Variants in MAG observed in about 807,000 individuals in gnomAD.
The protein encoded by MAG is myelin-associated glycoprotein.
In MAG, 30 loss-of-function variants were observed where a neutral mutation model predicts 60.7. The ratio of observed to expected loss-of-function variants is 0.49; its 90% CI spans 0.37 to 0.67. The LOEUF (loss-of-function observed/expected upper bound fraction) is 0.67. MAG is among the 30% of genes least tolerant of loss of function. The pLI is 0.00. For synonymous variants in MAG, 384 were observed against 376.8 expected, an observed-to-expected ratio of 1.02 and a Z score of -0.22; for missense variants, 795 against 851.7, an observed-to-expected ratio of 0.93 and a Z score of 0.83.
Position 35,300,550 on chromosome 19 carries a change from T to C in MAG, c.970+146T>C, listed in dbSNP as rs1036443677. 3 of 1,014,630 alleles carry C rather than the reference T, an allele frequency of 3.0e-6. No homozygotes were observed. In the Admixed American group the frequency reaches 9.3e-5, roughly 32 times the overall value. The allele number at this position is 1,014,630 out of a possible 1,614,324, so 62.9% of individuals were successfully genotyped here. On this transcript the variant is annotated intron_variant, in intron 6 of 10. Coordinates refer to ENST00000392213, the MANE Select transcript of MAG (RefSeq NM_002361.4). Reference sequence around the variant, plus strand: ...CCAAGGTAGACAGGGGGGTTGCAAGTCAAGGTGTACCTTCATTCTTTCCAC... The same window carrying C: ...CCAAGGTAGACAGGGGGGTTGCAAGCCAAGGTGTACCTTCATTCTTTCCAC...
chr19:35,301,786 G>A (rs896989865), intron 6 of MAG, among the ~76,000 whole-genome samples: 4 of 151,766 alleles, frequency 2.6e-5, no homozygotes, highest in South Asian at 2.1e-4. Flanking sequence ...GGCTGCTCTC[G>A]ATCTCCTGAC....
intron 1 of MAG, among the ~76,000 whole-genome samples, chr19:35,292,632 G>A (rs2066365108): frequency 6.7e-6 from 1 of 148,802 alleles, no homozygotes; most frequent in South Asian, 2.2e-4. Flanking sequence ...TCTAGCACCT[G>A]GGCACATAGC....
intron 9 of MAG, among the ~76,000 whole-genome samples, chr19:35,311,036 A>G (rs1284730696): frequency 1.3e-5 from 2 of 152,290 alleles, no homozygotes; most frequent in Admixed American, 6.5e-5. Flanking sequence ...CTGGGGCAAA[A>G]AAAAAATAGG....
intron 7 of MAG, 141 bp from the exon 8 acceptor site, chr19:35,309,733 A>T: frequency 1.1e-6 from 1 of 871,174 alleles, no homozygotes; most frequent in Non-Finnish European, 1.8e-6. Context: ...CAGAGAAAAA[A>T]GGAGGGGAAA....
chr19:35,312,556 A>C, intron 10 of MAG: 2 of 446,544 alleles, frequency 4.5e-6, no homozygotes, highest in East Asian at 4.4e-5. Context: ...AGGGGTGGGA[A>C]GCGTGGGGGG....
At chr19:35,299,277 G>A (rs920308678) in intron 4 of MAG, among the ~76,000 whole-genome samples, 2 of 152,218 alleles carry the variant, frequency 1.3e-5, no homozygotes, top group African/African-American at 4.8e-5. Flanking sequence ...TCGCTTTGCG[G>A]GAGGGACTGG....
At position 35,313,470 on chromosome 19, in the gene MAG, C is replaced by T. The variant is rs2066544227; in HGVS notation, c.*16C>T. ...GGTCAAGTGAAGGAGCTGGGGGCAGCCTGCGTGGCTGACCCCCCTCAGGAC... is the reference window on the plus strand; with the variant it reads ...GGTCAAGTGAAGGAGCTGGGGGCAGTCTGCGTGGCTGACCCCCCTCAGGAC... On this transcript the variant is annotated 3_prime_UTR_variant, in exon 11 of 11. Coordinates refer to ENST00000392213, the MANE Select transcript of MAG (RefSeq NM_002361.4). 2 of 1,601,690 alleles carry T rather than the reference C, an allele frequency of 1.2e-6. No homozygotes were observed. The highest frequency in any genetic ancestry group is 1.1e-5 in the South Asian group (1 of 90,074).
chr19:35,299,757 A>G lies in MAG; in HGVS notation c.619A>G (p.Thr207Ala), dbSNP rs1014401588. 2 of 1,554,384 alleles carry G rather than the reference A, an allele frequency of 1.3e-6. No individual in the cohort carries two copies. Among genetic ancestry groups the G allele is most frequent in the Non-Finnish European group, 8.7e-7 (1 of 1,152,864 alleles). The change falls in exon 5 of 11, where the codon ACG becomes GCG. Residue 207 changes from threonine to alanine, a missense_variant. Physicochemically the swap from Thr to Ala is moderately conservative, Grantham distance 58. Coordinates refer to ENST00000392213, the MANE Select transcript of MAG (RefSeq NM_002361.4). ...VQVSLLHFVP[T>A]REANGHRLGC... ...GGTGTCACTGCTGCACTTCGTGCCCACGAGGGAGGCCAACGGCCACAGGCT... is the reference window on the plus strand; with the variant it reads ...GGTGTCACTGCTGCACTTCGTGCCCGCGAGGGAGGCCAACGGCCACAGGCT...
Position 35,311,909 on chromosome 19 carries a change from G to A in MAG, c.1617-9G>A. 1.9e-6 allele frequency: 3 copies of A among 1,605,506 alleles called. No individual in the cohort carries two copies. The highest frequency in any genetic ancestry group is 2.2e-5 in the East Asian group (1 of 44,560). On this transcript the variant is annotated splice_polypyrimidine_tract_variant and intron_variant, in intron 9 of 10. Transcript: ENST00000392213. ...GGCAGAGAGAGGTCTGACGAGTCCTGCCCTGCAGAAAGAACGTGACAGAGA... is the reference window on the plus strand; with the variant it reads ...GGCAGAGAGAGGTCTGACGAGTCCTACCCTGCAGAAAGAACGTGACAGAGA...
At chr19:35,310,689 G>C in intron 9 of MAG, 46 bp downstream of exon 9, 1 of 1,575,376 alleles carries the variant, frequency 6.3e-7, no homozygotes, top group Non-Finnish European at 8.7e-7. Context: ...TCTCCAAAAA[G>C]GGGACCTGGT....
rs556522777 is a variant in MAG at position 35,308,353 on chromosome 19, T to A, written c.1232-1521T>A. On this transcript the variant is annotated intron_variant, in intron 7 of 10. Transcript: ENST00000392213. Reference sequence around the variant, plus strand: ...ATTTTCAGACACAGCAAGGAACCGGTGTGGCTGGAAAGGACTAAGCCAGGG... The same window carrying A: ...ATTTTCAGACACAGCAAGGAACCGGAGTGGCTGGAAAGGACTAAGCCAGGG... 7.0e-4 allele frequency among the ~76,000 whole-genome samples: 107 copies of A among 152,320 alleles called. 1 individual carries two copies. The highest frequency in any genetic ancestry group is 1.7e-3 in the South Asian group (8 of 4,826).
At chr19:35,294,081 T>A (rs964334237) in intron 1 of MAG, among the ~76,000 whole-genome samples, 154 bp from the exon 2 acceptor site, 5 of 147,946 alleles carry the variant, frequency 3.4e-5, no homozygotes, top group Admixed American at 2.1e-4. Flanking sequence ...AGAGAGTGGC[T>A]TCGAGGCTGT....
intron 7 of MAG, 132 bp from the exon 8 acceptor site, chr19:35,309,742 A>G: frequency 1.1e-6 from 1 of 919,058 alleles, no homozygotes; most frequent in East Asian, 2.4e-5. Context: ...AAGGAGGGGA[A>G]ATTGGAGGGC....
chr19:35,293,052 T>C lies in MAG; in HGVS notation c.-80+848T>C, dbSNP rs1448186923. Reference sequence around the variant, plus strand: ...TTTGGCCCCCATCCCGAGAACTTGTTTTCCCCGCTGTTAAGAGTGCATGGT... The same window carrying C: ...TTTGGCCCCCATCCCGAGAACTTGTCTTCCCCGCTGTTAAGAGTGCATGGT... On this transcript the variant is annotated intron_variant, in intron 1 of 10. Transcript: ENST00000392213. This position sits in a 1 kb window ranked among gnomAD's most constrained non-coding sequence, Gnocchi z 4.0. 6.6e-6 allele frequency among the ~76,000 whole-genome samples: 1 copy of C among 152,148 alleles called. No individual in the cohort carries two copies. Among genetic ancestry groups the C allele is most frequent in the Non-Finnish European group, 1.5e-5 (1 of 68,028 alleles).
chr19:35,293,208 TCTATAGC>T lies in MAG; in HGVS notation c.-80+1006_-80+1012del, dbSNP rs2066370553. ...ATCGGCGCGTGTCTGAGTGGACGCG[TCTATAGC>T]CATCCTCAGTGTGTGTGTGCAGTTC... On this transcript the variant is annotated intron_variant, in intron 1 of 10. Coordinates refer to ENST00000392213, the MANE Select transcript of MAG (RefSeq NM_002361.4). The surrounding 1 kb of genome is among the most constrained non-coding windows in gnomAD (Gnocchi z 4.0). Among the ~76,000 whole-genome samples, 1 of 151,722 alleles carries T rather than the reference TCTATAGC, an allele frequency of 6.6e-6. No individual in the cohort carries two copies. Among genetic ancestry groups the T allele is most frequent in the African/African-American group, 2.4e-5 (1 of 41,090 alleles).
At chr19:35,299,930 GGAGGCGGGGCCGGGCC>G in intron 5 of MAG, 80 bp downstream of exon 5, 1 of 1,275,194 alleles carries the variant, frequency 7.8e-7, no homozygotes, top group Non-Finnish European at 1.0e-6. Context: ...GGATGCGGCC[GGAGGCGGGGCCGGGCC>G]GTGATGGGGG....
rs2066458778 is a variant in MAG, at chr19:35,302,836, G to C, written c.1231+128G>C. 4.4e-6 allele frequency: 5 copies of C among 1,148,284 alleles called. No individual in the cohort carries two copies. In the African/African-American group the frequency reaches 7.7e-5, roughly 18 times the overall value. The allele number at this position is 1,148,284 out of a possible 1,614,324, so 71.1% of individuals were successfully genotyped here. ...GTCCTCCGCAGAGACAAGGAAGGGA[G>C]GGCAGGGAAGCTGAATTCACAGCAG... On this transcript the variant is annotated intron_variant, in intron 7 of 10. Transcript: ENST00000392213.
Position 35,299,864 on chromosome 19 carries a change from CGGGCG to C in MAG, c.712+23_712+27del. 1 of 297,464 alleles carries C rather than the reference CGGGCG, an allele frequency of 3.4e-6. No individual in the cohort carries two copies. Among genetic ancestry groups the C allele is most frequent in the Non-Finnish European group, 4.2e-6 (1 of 239,814 alleles). 18.4% of individuals were successfully genotyped at this position (297,464 alleles called of 1,614,324 possible). ...TGGACGTCAAGTGTGAGCCTGGGTG[CGGGCG>C]GGGCGGGGTGGGGCGGGGTGGGGCG... is the stretch of plus-strand genomic sequence containing the variant. On this transcript the variant is annotated intron_variant, in intron 5 of 10. Coordinates refer to ENST00000392213, the MANE Select transcript of MAG (RefSeq NM_002361.4).
chr19:35,300,999 G>A (rs1367554282), intron 6 of MAG, among the ~76,000 whole-genome samples: 3 of 152,200 alleles, frequency 2.0e-5, no homozygotes, highest in Non-Finnish European at 2.9e-5. Context: ...CTGCTGCGCT[G>A]CTGGGCCCAC....
Sources: allele counts gnomAD v4.1 joint callset (sites outside exome capture counted in the v4.1 genomes callset), GRCh38; gene constraint gnomAD v4.1.1; non-coding constraint Gnocchi (gnomAD v3.1); transcripts MANE v1.5; gene names NCBI Gene and HGNC (gene_info 2026-07-23, HGNC 2026-07-21).